COL4A5: variants seen among roughly 807,000 people sequenced by gnomAD.
The protein encoded by COL4A5 is collagen type IV alpha 5 chain.
A neutral mutation model predicts 130.2 loss-of-function variants in COL4A5; 26 were observed. The ratio of observed to expected loss-of-function variants is 0.20; its 90% confidence interval spans 0.15 to 0.28. The LOEUF is 0.28. COL4A5 is among the 10% of genes least tolerant of loss of function. The pLI is 1.00. For missense variants in COL4A5, 1,131 were observed against 1,344.3 expected (o/e 0.84, Z 2.48); for synonymous variants, 496 against 439.6 (o/e 1.13, Z -1.60).
chrX:108,464,082 G>A (rs752885732), intron 1 of COL4A5, among the ~76,000 whole-genome samples: 52 of 111,361 alleles, frequency 4.7e-4, no homozygotes, highest in Non-Finnish European at 8.5e-4. Context: ...GTGTCTTAAT[G>A]CCTGGCGTAG....
intron 1 of COL4A5, among the ~76,000 whole-genome samples, chrX:108,449,619 T>A (rs1232320261): frequency 8.9e-6 from 1 of 111,987 alleles, no homozygotes; most frequent in Non-Finnish European, 1.9e-5. Context: ...AAATTATATC[T>A]CATTGTTCTG....
At chrX:108,619,387 G>T (rs751069230) in intron 30 of COL4A5, among the ~76,000 whole-genome samples, 29 of 111,745 alleles carry the variant, frequency 2.6e-4, no homozygotes, top group Non-Finnish European at 5.1e-4. Flanking sequence ...TCCCCATTTA[G>T]CAGATGAGGA....
intron 36 of COL4A5, among the ~76,000 whole-genome samples, chrX:108,629,998 T>TA (rs2067223841): frequency 8.9e-6 from 1 of 111,971 alleles, no homozygotes; most frequent in African/African-American, 3.3e-5. Context: ...TCATCTTTTT[T>TA]ATGGCTGCAT....
Position 108,474,278 on chromosome X carries a change from T to A in COL4A5, c.81+34072T>A. On this transcript the variant is annotated intron_variant, in intron 1 of 52. Coordinates refer to ENST00000328300, the MANE Select transcript of COL4A5 (RefSeq NM_033380.3). Reference sequence around the variant, plus strand: ...TTAATCTTTTATATCATTTTTAAAATCTTTTATATCATATTTTATATTTCA... The same window carrying A: ...TTAATCTTTTATATCATTTTTAAAAACTTTTATATCATATTTTATATTTCA... Among the ~76,000 whole-genome samples the A allele has an allele frequency of 2.7e-5, 3 of 111,960 alleles. No individual in the cohort carries two copies. The Middle Eastern group carries it at 0.014, about 518-fold the overall frequency.
chrX:108,481,117 C>A (rs1350911866), intron 1 of COL4A5, among the ~76,000 whole-genome samples: 2 of 110,968 alleles, frequency 1.8e-5, no homozygotes, highest in African/African-American at 3.3e-5. Context: ...TAAGTTGGAC[C>A]TGAGCTAAAA....
At chrX:108,514,620 G>A (rs16985507) in intron 1 of COL4A5, among the ~76,000 whole-genome samples, 11,707 of 111,856 alleles carry the variant, frequency 0.1, 1,301 homozygotes, top group African/African-American at 0.34. Context: ...GTGGTATAAC[G>A]TGGTAGGTCG....
intron 1 of COL4A5, among the ~76,000 whole-genome samples, chrX:108,456,991 T>C (rs1029254331): frequency 2.7e-5 from 3 of 111,241 alleles, no homozygotes; most frequent in Non-Finnish European, 5.7e-5. Context: ...GCTTCGGGGG[T>C]CTGTGTTTTC....
chrX:108,536,181 T>A (rs1464348156), intron 1 of COL4A5, among the ~76,000 whole-genome samples: 1 of 111,374 alleles, frequency 9.0e-6, no homozygotes, highest in Non-Finnish European at 1.9e-5. Context: ...TATTATTTTT[T>A]ATATTTATTC....
chrX:108,483,213 GTGTGTGTGTA>G (rs1282587299), intron 1 of COL4A5, among the ~76,000 whole-genome samples: 2 of 100,461 alleles, frequency 2.0e-5, no homozygotes, highest in African/African-American at 7.1e-5. Context: ...ATGTGTGTGT[GTGTGTGTGTA>G]TGTGTGTGTG....
intron 2 of COL4A5, among the ~76,000 whole-genome samples, chrX:108,558,179 GTT>G (rs1418015807): frequency 9.7e-6 from 1 of 102,844 alleles, no homozygotes; most frequent in Non-Finnish European, 2.0e-5. Context: ...GCGGTGTTTG[GTT>G]TTTTAAAGTT....
chrX:108,646,409 C>T (rs1312942975), intron 36 of COL4A5, among the ~76,000 whole-genome samples: 1 of 111,353 alleles, frequency 9.0e-6, no homozygotes, highest in Admixed American at 9.5e-5. Context: ...TATACTTTGC[C>T]CACTTTTTGA....
chrX:108,615,896 C>T (rs932187120), intron 30 of COL4A5, among the ~76,000 whole-genome samples: 3 of 112,168 alleles, frequency 2.7e-5, no homozygotes, highest in Non-Finnish European at 5.6e-5. Flanking sequence ...GAAGCAATGG[C>T]TATATGTTTC....
chrX:108,553,904 A>G (rs2065786276), intron 2 of COL4A5, among the ~76,000 whole-genome samples: 1 of 112,352 alleles, frequency 8.9e-6, no homozygotes, highest in African/African-American at 3.2e-5. Flanking sequence ...AAAAGTAATG[A>G]ACTATTGATA....
At chrX:108,534,444 A>T (rs918639238) in intron 1 of COL4A5, among the ~76,000 whole-genome samples, 4 of 111,568 alleles carry the variant, frequency 3.6e-5, no homozygotes, top group African/African-American at 1.3e-4. Flanking sequence ...AGCAACATGG[A>T]TGGAACTCGA....
chrX:108,545,168 T>C (rs1349095979), intron 2 of COL4A5, among the ~76,000 whole-genome samples: 1 of 111,878 alleles, frequency 8.9e-6, no homozygotes. Context: ...ATGTGTTTGC[T>C]CTTGCTTCTC....
intron 47 of COL4A5, 32 bp from the exon 48 acceptor site, chrX:108,685,999 T>C (rs760178459): frequency 1.0e-5 from 11 of 1,076,090 alleles, no homozygotes; most frequent in Non-Finnish European, 1.4e-5. Flanking sequence ...AATATTCTAC[T>C]CATATTTGAA....
intron 24 of COL4A5, 100 bp downstream of exon 24, chrX:108,597,668 C>G: frequency 8.0e-6 from 6 of 747,158 alleles, no homozygotes; most frequent in Non-Finnish European, 1.2e-5. Flanking sequence ...GAGATAAACA[C>G]CCAATCAATG....
At chrX:108,628,687 CCAGT>C (rs1305601285) in intron 36 of COL4A5, among the ~76,000 whole-genome samples, 1 of 111,633 alleles carries the variant, frequency 9.0e-6, no homozygotes, top group Non-Finnish European at 1.9e-5. Context: ...ATATTTTCTC[CCAGT>C]CAGTTGTTTG....
chrX:108,677,254 G>A (rs964287481), intron 43 of COL4A5, among the ~76,000 whole-genome samples: 3 of 112,008 alleles, frequency 2.7e-5, no homozygotes, highest in African/African-American at 9.7e-5. Flanking sequence ...TTCTTTAGAT[G>A]TTATTTTATT....
Sources: gnomAD v4.1 joint callset for allele counts (sites outside exome capture counted in the v4.1 genomes callset) on GRCh38, gnomAD v4.1.1 for gene constraint, MANE v1.5 for transcripts, NCBI Gene and HGNC (gene_info 2026-07-23, HGNC 2026-07-21) for gene names.